SLC36A4: variants seen among roughly 807,000 people sequenced by gnomAD.
SLC36A4 encodes solute carrier family 36 member 4.
In SLC36A4, 49 loss-of-function variants were observed where a neutral mutation model predicts 50.5. The observed-to-expected ratio is 0.97, with a 90% CI of 0.77 to 1.23. The LOEUF (loss-of-function observed/expected upper bound fraction) is 1.23. SLC36A4 is among the 50% of genes most tolerant of loss of function. SLC36A4 has a pLI of 0.00. For synonymous variants in SLC36A4, 207 were observed against 206.5 expected (o/e 1.00, Z -0.02); for missense variants, 611 against 608.4 (o/e 1.00, Z -0.05).
At chr11:93,175,963 T>C (rs1201563730) in intron 6 of SLC36A4, among the ~76,000 whole-genome samples, 1 of 135,118 alleles carries the variant, frequency 7.4e-6, no homozygotes, top group Non-Finnish European at 1.6e-5. Context: ...GTCTATTAGG[T>C]CCGCTTGGTG....
intron 6 of SLC36A4, chr11:93,171,928 T>G (rs1303020400): frequency 6.6e-6 from 1 of 152,144 alleles, no homozygotes; most frequent in Non-Finnish European, 1.5e-5. Flanking sequence ...TCTAATTAAC[T>G]CTAATTACTG....
At chr11:93,172,081 G>A (rs1223037031) in intron 6 of SLC36A4, among the ~76,000 whole-genome samples, 2 of 151,800 alleles carry the variant, frequency 1.3e-5, no homozygotes, top group African/African-American at 4.8e-5. Flanking sequence ...ATGTGTATAA[G>A]AACTTAATTA....
chr11:93,161,356 GTAA>G (rs1860609560), intron 9 of SLC36A4, among the ~76,000 whole-genome samples: 1 of 152,276 alleles, frequency 6.6e-6, no homozygotes, highest in Admixed American at 6.5e-5. Flanking sequence ...TATCTTATTT[GTAA>G]TAATAACTCC....
intron 1 of SLC36A4, 98 bp downstream of exon 1, chr11:93,197,680 G>T: frequency 1.5e-6 from 2 of 1,342,318 alleles, no homozygotes; most frequent in Non-Finnish European, 2.0e-6. Flanking sequence ...CCTCAACTCA[G>T]GCCAAGCGCG....
At chr11:93,195,815 G>T (rs531414952) in intron 1 of SLC36A4, among the ~76,000 whole-genome samples, 81 of 152,124 alleles carry the variant, frequency 5.3e-4, no homozygotes, top group African/African-American at 1.4e-3. Context: ...CCTCTTCCAG[G>T]TCTTTACTCA....
intron 3 of SLC36A4, 117 bp from the exon 4 acceptor site, chr11:93,183,011 A>T: frequency 1.5e-6 from 1 of 679,352 alleles, no homozygotes; most frequent in Non-Finnish European, 2.5e-6. Flanking sequence ...GAGCAAAATG[A>T]TTAGTCATTG....
chr11:93,173,582 C>T (rs1347316839), intron 6 of SLC36A4, among the ~76,000 whole-genome samples: 7 of 103,624 alleles, frequency 6.8e-5, no homozygotes, highest in Admixed American at 2.2e-4. Context: ...GGTTTTAGGT[C>T]TAACGTTTGA....
At chr11:93,193,535 T>C (rs566802696) in intron 1 of SLC36A4, among the ~76,000 whole-genome samples, 3 of 152,234 alleles carry the variant, frequency 2.0e-5, no homozygotes, top group East Asian at 1.9e-4. Flanking sequence ...AAATTATATA[T>C]AAATAAGAAA....
At chr11:93,191,811 A>G (rs1359632171) in intron 1 of SLC36A4, among the ~76,000 whole-genome samples, 1 of 152,182 alleles carries the variant, frequency 6.6e-6, no homozygotes, top group East Asian at 1.9e-4. Flanking sequence ...AAAGAGGAAT[A>G]AGCCCTCTCA....
At position 93,146,473 on chromosome 11, in the gene SLC36A4, G is replaced by T. The variant is rs1859846708; in HGVS notation, c.*2064C>A. On this transcript the variant is annotated 3_prime_UTR_variant, in exon 11 of 11. Coordinates refer to ENST00000326402, the MANE Select transcript of SLC36A4 (RefSeq NM_152313.4). The stretch of plus-strand genomic sequence containing the variant: ...ACTAAAGGCTCAGTGTAACAGAATT[G>T]ATATAAAAGTATCTCAAACAATTAC... 1 of 151,894 alleles carries T rather than the reference G, an allele frequency of 6.6e-6. No homozygotes were observed. Among genetic ancestry groups the T allele is most frequent in the Non-Finnish European group, 1.5e-5 (1 of 67,922 alleles). The allele number at this position is 151,894 out of a possible 1,614,324, so 9.4% of individuals were successfully genotyped here.
Position 93,145,544 on chromosome 11 carries a change from T to C in SLC36A4, c.*2993A>G, listed in dbSNP as rs1175087022. The C allele has an allele frequency of 6.6e-6, 1 of 152,094 alleles. No homozygotes were observed. Among genetic ancestry groups the C allele is most frequent in the Admixed American group, 6.6e-5 (1 of 15,252 alleles). 9.4% of individuals were successfully genotyped at this position (152,094 alleles called of 1,614,324 possible). A position where few individuals can be genotyped will look rare whatever the true frequency, so the allele number is the denominator to read the frequency against. On this transcript the variant is annotated 3_prime_UTR_variant, in exon 11 of 11. Coordinates refer to ENST00000326402, the MANE Select transcript of SLC36A4 (RefSeq NM_152313.4). ...TTTGACAAGTTGACTCTGATACTGATGAAACTCTTGGGTGTAAGGGAACAG... is the reference window on the plus strand; with the variant it reads ...TTTGACAAGTTGACTCTGATACTGACGAAACTCTTGGGTGTAAGGGAACAG...
At position 93,165,995 on chromosome 11, in the gene SLC36A4, G is replaced by A; in HGVS notation, c.790C>T (p.Leu264Phe). The part of the protein sequence containing the change: ...VVRNMPDPHN[L>F]PIVAGWKKYP... ...TTCTTCCAACCAGCCACTATTGGAA[G>A]GTTGTGGGGATCTGGCATGTTCTAA... Residue 264 changes from leucine to phenylalanine, a missense_variant, in exon 8 of 11, where the codon CTT becomes TTT. By Grantham distance (22) the Leu-to-Phe change is conservative. Coordinates refer to ENST00000326402, the MANE Select transcript of SLC36A4 (RefSeq NM_152313.4). 1 of 1,610,466 alleles carries A rather than the reference G, an allele frequency of 6.2e-7. No individual in the cohort carries two copies. Among genetic ancestry groups the A allele is most frequent in the Non-Finnish European group, 8.5e-7 (1 of 1,177,960 alleles).
intron 9 of SLC36A4, among the ~76,000 whole-genome samples, chr11:93,156,260 T>C (rs1860354665): frequency 6.6e-6 from 1 of 152,182 alleles, no homozygotes; most frequent in Non-Finnish European, 1.5e-5. Flanking sequence ...TTCGACTTTT[T>C]AGTAATAGCC....
intron 6 of SLC36A4, among the ~76,000 whole-genome samples, chr11:93,172,159 AATG>A (rs1268615082): frequency 6.6e-6 from 1 of 152,158 alleles, no homozygotes; most frequent in African/African-American, 2.4e-5. Flanking sequence ...AAAATAATAA[AATG>A]AGGGTAGAAA....
At chr11:93,193,613 T>C (rs1862303362) in intron 1 of SLC36A4, among the ~76,000 whole-genome samples, 1 of 152,134 alleles carries the variant, frequency 6.6e-6, no homozygotes, top group Non-Finnish European at 1.5e-5. Context: ...GTGTATTACA[T>C]AGTACACCAT....
At chr11:93,169,184 T>G (rs1861020455) in intron 6 of SLC36A4, among the ~76,000 whole-genome samples, 1 of 152,016 alleles carries the variant, frequency 6.6e-6, no homozygotes, top group African/African-American at 2.4e-5. Context: ...GGTACTGAAC[T>G]ACATGCTTTA....
At chr11:93,163,547 A>G (rs1314791315) in intron 8 of SLC36A4, among the ~76,000 whole-genome samples, 1 of 152,178 alleles carries the variant, frequency 6.6e-6, no homozygotes, top group Non-Finnish European at 1.5e-5. Flanking sequence ...CTAGAGGTGA[A>G]GTGCCTGTCT....
chr11:93,166,274 C>T, intron 7 of SLC36A4: 2 of 1,178,426 alleles, frequency 1.7e-6, no homozygotes, highest in Non-Finnish European at 2.1e-6. Flanking sequence ...CCTGCTTCCA[C>T]CTGCAAGTCC....
At chr11:93,179,595 C>A (rs1320188498) in intron 6 of SLC36A4, among the ~76,000 whole-genome samples, 2 of 152,088 alleles carry the variant, frequency 1.3e-5, no homozygotes, top group African/African-American at 4.8e-5. Context: ...ACATGGTACA[C>A]TGGAAAAAAA....
Sources: allele counts gnomAD v4.1 joint callset (sites outside exome capture counted in the v4.1 genomes callset), GRCh38; gene constraint gnomAD v4.1.1; transcripts MANE v1.5; gene names NCBI Gene and HGNC (gene_info 2026-07-23, HGNC 2026-07-21).